Variants in ASXL3 observed in about 807,000 individuals in gnomAD.
ASXL3 encodes ASXL transcriptional regulator 3.
A neutral mutation model predicts 170.6 loss-of-function variants in ASXL3; 34 were observed. That is an observed-to-expected ratio of 0.20 (90% CI 0.15 to 0.27). The LOEUF is 0.27. Ranked by LOEUF, ASXL3 falls within the 10% of genes least tolerant of loss-of-function variation. The pLI is 1.00. For synonymous variants in ASXL3, 1,002 were observed against 989.1 expected (o/e 1.01, Z -0.24); for missense variants, 2,592 against 2,695.3 (o/e 0.96, Z 0.85).
intron 8 of ASXL3, among the ~76,000 whole-genome samples, chr18:33,720,411 T>C (rs895498677): frequency 1.3e-5 from 2 of 152,124 alleles, no homozygotes; most frequent in Admixed American, 1.3e-4. Flanking sequence ...TACAAGAACA[T>C]GAGCTTGAGT....
intron 8 of ASXL3, among the ~76,000 whole-genome samples, chr18:33,717,367 A>G (rs1168243388): frequency 6.6e-6 from 1 of 152,170 alleles, no homozygotes; most frequent in Admixed American, 6.6e-5. Flanking sequence ...AAAGGATCAC[A>G]AGCTAAGCAC....
chr18:33,624,844 A>C (rs2065575495), intron 2 of ASXL3, among the ~76,000 whole-genome samples: 1 of 152,128 alleles, frequency 6.6e-6, no homozygotes, highest in South Asian at 2.1e-4. Flanking sequence ...TGTCTTTGAG[A>C]TCCTCAGTTT....
intron 8 of ASXL3, among the ~76,000 whole-genome samples, chr18:33,724,136 A>T (rs534258953): frequency 6.6e-6 from 1 of 152,128 alleles, no homozygotes; most frequent in Non-Finnish European, 1.5e-5. Context: ...TGAATTTGCA[A>T]TGTCTTTGTG....
intron 2 of ASXL3, among the ~76,000 whole-genome samples, chr18:33,628,634 G>C (rs948386922): frequency 1.3e-5 from 2 of 152,188 alleles, no homozygotes; most frequent in Non-Finnish European, 2.9e-5. Flanking sequence ...ATCTGTGCAT[G>C]GAAGGCAATC....
At chr18:33,707,291 T>C (rs2066976239) in intron 8 of ASXL3, among the ~76,000 whole-genome samples, 1 of 151,910 alleles carries the variant, frequency 6.6e-6, no homozygotes, top group African/African-American at 2.4e-5. Flanking sequence ...GCATCTAATA[T>C]ATAGAACAAC....
intron 1 of ASXL3, among the ~76,000 whole-genome samples, chr18:33,601,653 A>C (rs920242078): frequency 2.0e-5 from 3 of 151,878 alleles, no homozygotes; most frequent in Admixed American, 2.0e-4. Context: ...CCAGGATTAC[A>C]TGAGGTTTAC....
chr18:33,659,054 C>A (rs2066130047), intron 4 of ASXL3, among the ~76,000 whole-genome samples: 1 of 152,008 alleles, frequency 6.6e-6, no homozygotes, highest in Admixed American at 6.6e-5. Context: ...AAATAGGTAT[C>A]CCAATGTCTG....
At chr18:33,580,480 A>C (rs1282350947) in intron 1 of ASXL3, among the ~76,000 whole-genome samples, 5 of 152,206 alleles carry the variant, frequency 3.3e-5, no homozygotes, top group African/African-American at 9.7e-5. Context: ...CAATGAGTTG[A>C]TTTATAAATA....
At chr18:33,742,524 TA>T (rs1225887062) in intron 11 of ASXL3, among the ~76,000 whole-genome samples, 1 of 152,202 alleles carries the variant, frequency 6.6e-6, no homozygotes, top group African/African-American at 2.4e-5. Flanking sequence ...TTTATGCCAC[TA>T]AAAAAGATAT....
At position 33,691,786 on chromosome 18, in the gene ASXL3, C is replaced by T. The variant is rs144568397; in HGVS notation, c.879+8218C>T. 3.1e-3 allele frequency among the ~76,000 whole-genome samples: 467 copies of T among 152,078 alleles called. 1 individual carries two copies. Among genetic ancestry groups the T allele is most frequent in the African/African-American group, 9.8e-3 (407 of 41,492 alleles). On this transcript the variant is annotated intron_variant, in intron 8 of 11. Coordinates refer to ENST00000269197, the MANE Select transcript of ASXL3 (RefSeq NM_030632.3). ...TTGAAAGGGGAGGTGTCATTTGGGC[C>T]GGGTCCGGAAAGATACAGGAAGGTT...
intron 2 of ASXL3, among the ~76,000 whole-genome samples, chr18:33,617,090 T>C (rs1480478356): frequency 3.9e-5 from 6 of 152,222 alleles, no homozygotes; most frequent in African/African-American, 1.2e-4. Flanking sequence ...GAAAGTTATT[T>C]ATAACAATAT....
intron 8 of ASXL3, among the ~76,000 whole-genome samples, chr18:33,715,903 T>C (rs1016709956): frequency 1.3e-5 from 2 of 152,140 alleles, no homozygotes; most frequent in African/African-American, 2.4e-5. Flanking sequence ...CACACACTTA[T>C]TTCAGACATT....
At chr18:33,684,733 G>A (rs2066566370) in intron 8 of ASXL3, among the ~76,000 whole-genome samples, 1 of 152,090 alleles carries the variant, frequency 6.6e-6, no homozygotes, top group South Asian at 2.1e-4. Flanking sequence ...TACATAAACT[G>A]TATTTGTAAA....
intron 10 of ASXL3, 119 bp downstream of exon 10, chr18:33,734,534 G>GT: frequency 1.9e-6 from 1 of 518,390 alleles, no homozygotes; most frequent in Non-Finnish European, 3.2e-6. Context: ...AAAGGCAATA[G>GT]TCCCTCAGTG....
chr18:33,724,349 A>T (rs1381761301), intron 8 of ASXL3, among the ~76,000 whole-genome samples: 1 of 152,046 alleles, frequency 6.6e-6, no homozygotes, highest in African/African-American at 2.4e-5. Context: ...CATCTTTAAT[A>T]TTTTGTCACT....
chr18:33,652,892 T>C (rs1270340854), intron 4 of ASXL3, among the ~76,000 whole-genome samples: 2 of 151,986 alleles, frequency 1.3e-5, no homozygotes, highest in East Asian at 3.9e-4. Context: ...ATAATCTCAA[T>C]TGAGACATCA....
intron 2 of ASXL3, among the ~76,000 whole-genome samples, chr18:33,644,665 C>A (rs1437382811): frequency 6.6e-6 from 1 of 151,696 alleles, no homozygotes; most frequent in Non-Finnish European, 1.5e-5. Context: ...TTGCCTGAAG[C>A]CTTATAAGAC....
chr18:33,656,228 T>C (rs1042359438), intron 4 of ASXL3, among the ~76,000 whole-genome samples: 5 of 152,098 alleles, frequency 3.3e-5, no homozygotes, highest in Non-Finnish European at 5.9e-5. Flanking sequence ...AAAATTACAT[T>C]AGGAGGGAAT....
At chr18:33,725,490 A>G (rs62092436) in intron 8 of ASXL3, among the ~76,000 whole-genome samples, 9,005 of 152,132 alleles carry the variant, frequency 0.059, 371 homozygotes, top group African/African-American at 0.11. Context: ...TTCCTGTTAC[A>G]TTAGTATTCC....
Sources: allele counts gnomAD v4.1 joint callset (sites outside exome capture counted in the v4.1 genomes callset), GRCh38; gene constraint gnomAD v4.1.1; transcripts MANE v1.5; gene names NCBI Gene and HGNC (gene_info 2026-07-23, HGNC 2026-07-21).